The following CHEK1 variants were observed in gnomAD, a reference collection of about 807,000 sequenced individuals.
CHEK1 encodes the protein checkpoint kinase 1.
A neutral mutation model predicts 60.2 loss-of-function variants in CHEK1; 32 were observed. That is an observed-to-expected ratio of 0.53 (90% CI 0.40 to 0.71). The LOEUF (loss-of-function observed/expected upper bound fraction) is 0.71, where lower values mean the gene tolerates loss of function less well. CHEK1 is among the 30% of genes least tolerant of loss of function. CHEK1 has a pLI of 0.00. For synonymous variants in CHEK1, 179 were observed against 187.2 expected, an observed-to-expected ratio of 0.96 and a Z score of 0.36; for missense variants, 399 against 564.6, an observed-to-expected ratio of 0.71 and a Z score of 2.97.
chr11:125,638,773 G>C (rs1941169749), intron 8 of CHEK1, among the ~76,000 whole-genome samples: 1 of 152,020 alleles, frequency 6.6e-6, no homozygotes, highest in African/African-American at 2.4e-5. Flanking sequence ...TACTATCACA[G>C]TCTGCAAAAT....
chr11:125,640,926 G>A (rs1941279506), intron 8 of CHEK1, among the ~76,000 whole-genome samples: 1 of 152,076 alleles, frequency 6.6e-6, no homozygotes, highest in Non-Finnish European at 1.5e-5. Context: ...ACAATGCCCT[G>A]CCATAGGTTT....
At chr11:125,673,623 G>A (rs750440823) in intron 13 of CHEK1, among the ~76,000 whole-genome samples, 10 of 152,060 alleles carry the variant, frequency 6.6e-5, no homozygotes, top group Non-Finnish European at 1.0e-4. Context: ...CCAACTAACC[G>A]ATGATCACCT....
chr11:125,665,515 C>T (rs1301342566), intron 13 of CHEK1, among the ~76,000 whole-genome samples: 1 of 152,050 alleles, frequency 6.6e-6, no homozygotes, highest in Non-Finnish European at 1.5e-5. Flanking sequence ...TGATAGGATT[C>T]CCTCCTCTTC....
Position 125,672,681 on chromosome 11 carries a change from T to A in CHEK1, c.*28-3247T>A, listed in dbSNP as rs184197662. 2,697 of 1,614,136 alleles carry A rather than the reference T, an allele frequency of 1.7e-3. 69 individuals carry two copies. The South Asian group carries it at 0.024, about 14-fold the overall frequency. On this transcript the variant is annotated intron_variant, in intron 13 of 13. Coordinates refer to the CHEK1 transcript ENST00000428830. ...GAAGAGGTTCATAGATGGGCACATG[T>A]TCTCACACCCTTGAACCATGAATTG...
rs776659228 is a variant in CHEK1, at chr11:125,655,363, C to T, written c.*43C>T. On this transcript the variant is annotated 3_prime_UTR_variant, in exon 13 of 13. Coordinates refer to ENST00000438015, the MANE Select transcript of CHEK1 (RefSeq NM_001114122.3). ...GGGAATCCTGGTGAATATAGTGCTG[C>T]TATGTTGACATTATTCTTCCTAGAG... 3.7e-6 allele frequency: 5 copies of T among 1,343,186 alleles called. No homozygotes were observed. Among genetic ancestry groups the T allele is most frequent in the African/African-American group, 1.4e-5 (1 of 69,034 alleles). 83.2% of individuals were successfully genotyped at this position (1,343,186 alleles called of 1,614,324 possible). A position where few individuals can be genotyped will look rare whatever the true frequency, so the allele number is the denominator to read the frequency against.
At chr11:125,680,930 T>A, downstream of CHEK1, 1 of 671,186 alleles carries the variant, frequency 1.5e-6, no homozygotes, top group Non-Finnish European at 2.6e-6. Context: ...TCACAATGGG[T>A]TGGGCTCTGA....
downstream of CHEK1, among the ~76,000 whole-genome samples, chr11:125,679,216 C>CTTTTTTTTTTTTTTTTTTTTT (rs71045115): frequency 1.8e-3 from 213 of 121,016 alleles, 12 homozygotes; most frequent in African/African-American, 6.4e-3. Context: ...CCGTCTCTTT[C>CTTTTTTTTTTTTTTTTTTTTT]TTTTTTTTTT....
At chr11:125,646,422 C>G (rs991050999) in intron 11 of CHEK1, among the ~76,000 whole-genome samples, 6 of 152,092 alleles carry the variant, frequency 3.9e-5, no homozygotes, top group Non-Finnish European at 5.9e-5. Context: ...ATGAATAATA[C>G]TGCTGTGAAC....
chr11:125,641,789 CCT>C (rs1941311361), intron 8 of CHEK1, among the ~76,000 whole-genome samples: 1 of 139,984 alleles, frequency 7.1e-6, no homozygotes, highest in East Asian at 2.1e-4. Flanking sequence ...AATCTGATTA[CCT>C]TTTTTTTTTT....
chr11:125,655,175 T>C (rs757784386), intron 12 of CHEK1, 50 bp from the exon 13 acceptor site: 18 of 1,355,436 alleles, frequency 1.3e-5, no homozygotes, highest in Non-Finnish European at 1.9e-5. Flanking sequence ...GACAGAATTT[T>C]GTTTTTGTTT....
intron 13 of CHEK1, among the ~76,000 whole-genome samples, chr11:125,670,314 C>CT (rs1942178744): frequency 6.6e-6 from 1 of 152,044 alleles, no homozygotes; most frequent in Non-Finnish European, 1.5e-5. Flanking sequence ...GTTCCAGTAT[C>CT]TGTGATTCAT....
downstream of CHEK1, among the ~76,000 whole-genome samples, chr11:125,680,465 C>T (rs147364279): frequency 6.6e-6 from 1 of 152,298 alleles, no homozygotes; most frequent in East Asian, 1.9e-4. Flanking sequence ...TTTTTCATCT[C>T]ATGCAGCATC....
chr11:125,676,861 C>T (rs1243925515), downstream of CHEK1, among the ~76,000 whole-genome samples: 1 of 152,204 alleles, frequency 6.6e-6, no homozygotes, highest in African/African-American at 2.4e-5. Context: ...AAGGCACAAA[C>T]ACTTGGAGTC....
At chr11:125,663,133 GAAA>G (rs151228366) in intron 13 of CHEK1, among the ~76,000 whole-genome samples, 1 of 142,152 alleles carries the variant, frequency 7.0e-6, no homozygotes, top group South Asian at 2.2e-4. Context: ...TGTCATTTGT[GAAA>G]AAAAAAAAAC....
Position 125,626,829 on chromosome 11 carries a change from G to A in CHEK1, c.61G>A (p.Gly21Arg), listed in dbSNP as rs751896993. The A allele has an allele frequency of 1.9e-6, 3 of 1,614,152 alleles. No homozygotes were observed. Among genetic ancestry groups the A allele is most frequent in the Non-Finnish European group, 2.5e-6 (3 of 1,180,024 alleles). ...LVQTLGEGAY[G>R]EVQLAVNRVT... ...GCAAACCCTGGGAGAAGGTGCCTAT[G>A]GAGAGTGAGTTCTTTTAAGCTTGCC... Residue 21 changes from glycine (G) to arginine (R), a missense_variant, in exon 2 of 13, where the codon GGA becomes AGA. By Grantham distance (125) the Gly-to-Arg change is moderately radical. Coordinates refer to ENST00000438015, the MANE Select transcript of CHEK1 (RefSeq NM_001114122.3).
Position 125,625,732 on chromosome 11 carries a change from T to C in CHEK1, c.-301T>C, listed in dbSNP as rs1264252504. On this transcript the variant is annotated 5_prime_UTR_variant, in exon 1 of 13. Coordinates refer to ENST00000438015, the MANE Select transcript of CHEK1 (RefSeq NM_001114122.3). ...GAGCCTCACACCGGATGCCACTTCATATTTGGGCCCAGAGCTCAATTCGCG... is the reference window on the plus strand; with the variant it reads ...GAGCCTCACACCGGATGCCACTTCACATTTGGGCCCAGAGCTCAATTCGCG... 1.5e-6 allele frequency: 1 copy of C among 666,856 alleles called. No homozygotes were observed. Among genetic ancestry groups the C allele is most frequent in the African/African-American group, 1.8e-5 (1 of 56,560 alleles). The allele number at this position is 666,856 out of a possible 1,614,324, so 41.3% of individuals were successfully genotyped here. A position where few individuals can be genotyped will look rare whatever the true frequency, so the allele number is the denominator to read the frequency against.
rs749015626 is a variant in CHEK1, at chr11:125,643,780, T to C, written c.815-12T>C. The C allele has an allele frequency of 6.2e-7, 1 of 1,605,282 alleles. No homozygotes were observed. Among genetic ancestry groups the C allele is most frequent in the Admixed American group, 1.7e-5 (1 of 57,842 alleles). On this transcript the variant is annotated splice_polypyrimidine_tract_variant and intron_variant, in intron 8 of 12. Transcript: ENST00000438015. ...AAGACTTGAAAGCATTTGTATTTGT[T>C]TTCTTTTTTAGGGGCAAAAAGGCCC...
chr11:125,661,448 A>T (rs992443347), downstream of CHEK1, among the ~76,000 whole-genome samples: 6 of 152,118 alleles, frequency 3.9e-5, no homozygotes, highest in Non-Finnish European at 5.9e-5. Context: ...AGTAGCTGGG[A>T]TTATAGGCGT....
chr11:125,663,416 C>T (rs1229529961), intron 13 of CHEK1, among the ~76,000 whole-genome samples: 1 of 152,136 alleles, frequency 6.6e-6, no homozygotes, highest in Admixed American at 6.5e-5. Context: ...GCCTCTGAAT[C>T]TTAAGTTGTT....
Sources: gnomAD v4.1 joint callset for allele counts (sites outside exome capture counted in the v4.1 genomes callset) on GRCh38, gnomAD v4.1.1 for gene constraint, MANE v1.5 for transcripts, NCBI Gene and HGNC (gene_info 2026-07-23, HGNC 2026-07-21) for gene names.